The following MEI4 variants were observed in gnomAD, a reference collection of about 807,000 sequenced individuals.
MEI4 encodes the protein meiotic double-stranded break formation protein 4.
Under a neutral mutation model 31.4 loss-of-function variants are expected in MEI4, and 27 were observed. The observed-to-expected ratio is 0.86, with a 90% CI of 0.63 to 1.19. The LOEUF (loss-of-function observed/expected upper bound fraction) is 1.19, where lower values mean the gene tolerates loss of function less well. MEI4 is among the 50% of genes most tolerant of loss of function. The pLI is 0.00. For missense variants in MEI4, 329 were observed against 398.9 expected (o/e 0.82, Z 1.49); for synonymous variants, 122 against 145.4 (o/e 0.84, Z 1.16).
intron 1 of MEI4, among the ~76,000 whole-genome samples, chr6:77,655,212 A>G (rs1368341150): frequency 1.3e-5 from 2 of 152,162 alleles, no homozygotes; most frequent in African/African-American, 4.8e-5. Flanking sequence ...AGCTTCATCC[A>G]TGTCCCTCCA....
chr6:77,778,660 A>G (rs1201816803), intron 3 of MEI4, among the ~76,000 whole-genome samples: 1 of 151,970 alleles, frequency 6.6e-6, no homozygotes, highest in African/African-American at 2.4e-5. Flanking sequence ...TGATTGCAAC[A>G]CTGCACTCCA....
chr6:77,654,214 T>G (rs1768347380), intron 1 of MEI4, among the ~76,000 whole-genome samples: 1 of 151,930 alleles, frequency 6.6e-6, no homozygotes, highest in Non-Finnish European at 1.5e-5. Context: ...GAACAGGGAG[T>G]GTTATAGATA....
At chr6:77,743,265 C>A in intron 2 of MEI4, among the ~76,000 whole-genome samples, 1 of 152,060 alleles carries the variant, frequency 6.6e-6, no homozygotes, top group East Asian at 1.9e-4. Flanking sequence ...ATGGAATGTT[C>A]TTCCATTTGT....
At chr6:77,798,384 TATG>T (rs1769142623) in intron 3 of MEI4, among the ~76,000 whole-genome samples, 1 of 151,564 alleles carries the variant, frequency 6.6e-6, no homozygotes, top group South Asian at 2.1e-4. Context: ...TTAAAATAAA[TATG>T]AAGGAGGAGA....
At chr6:77,873,213 C>A (rs574816686) in intron 4 of MEI4, among the ~76,000 whole-genome samples, 1 of 152,228 alleles carries the variant, frequency 6.6e-6, no homozygotes, top group South Asian at 2.1e-4. Flanking sequence ...GTTTACAGTC[C>A]CACCAACAGT....
rs190395059 is a variant in MEI4, at chr6:77,916,866, C to A, written c.901-6223C>A. Reference sequence around the variant, plus strand: ...CATGTGGCATGCTGGTGCACTGCACCCACTAACTCGTCATCTAGCATTAGG... The same window carrying A: ...CATGTGGCATGCTGGTGCACTGCACACACTAACTCGTCATCTAGCATTAGG... On this transcript the variant is annotated intron_variant, in intron 4 of 4. Transcript: ENST00000684080. 8.0e-3 allele frequency among the ~76,000 whole-genome samples: 1,218 copies of A among 151,560 alleles called. 15 individuals carry two copies. The highest frequency in any genetic ancestry group is 0.027 in the African/African-American group (1,114 of 41,252).
At chr6:77,844,376 G>C (rs924940105) in intron 4 of MEI4, among the ~76,000 whole-genome samples, 1 of 152,114 alleles carries the variant, frequency 6.6e-6, no homozygotes, top group Non-Finnish European at 1.5e-5. Flanking sequence ...ACATTGGAGG[G>C]TCATAGTAAA....
At chr6:77,868,817 T>C (rs1406880813) in intron 4 of MEI4, among the ~76,000 whole-genome samples, 1 of 152,050 alleles carries the variant, frequency 6.6e-6, no homozygotes, top group African/African-American at 2.4e-5. Context: ...AATTCACCTT[T>C]ACTCGTGATC....
intron 1 of MEI4, among the ~76,000 whole-genome samples, chr6:77,672,747 C>T (rs1768770164): frequency 6.6e-6 from 1 of 152,132 alleles, no homozygotes; most frequent in Non-Finnish European, 1.5e-5. Context: ...ACCTTGGTGG[C>T]CAGACTGGTC....
chr6:77,754,245 G>A (rs1027106461), intron 2 of MEI4, among the ~76,000 whole-genome samples: 2 of 152,070 alleles, frequency 1.3e-5, no homozygotes, highest in African/African-American at 2.4e-5. Flanking sequence ...AGAACTTAAA[G>A]TATAATAGAA....
chr6:77,761,435 T>A lies in MEI4; in HGVS notation c.538T>A (p.Ser180Thr), dbSNP rs1768042320. Residue 180 changes from serine to threonine, a missense_variant, in exon 3 of 5, where the codon TCT becomes ACT. By Grantham distance (58) the Ser-to-Thr change is moderately conservative. Transcript: ENST00000684080. Reference sequence around the variant, plus strand: ...AGACTTAACCCACTTTGAAAAAGACTCTTCCACAGTCTCTGATTCTGTTTT... The same window carrying A: ...AGACTTAACCCACTTTGAAAAAGACACTTCCACAGTCTCTGATTCTGTTTT... Reference protein sequence around the residue: ...KRDLTHFEKDSSTVSDSVFQL... With the variant: ...KRDLTHFEKDTSTVSDSVFQL... 2 of 1,232,016 alleles carry A rather than the reference T, an allele frequency of 1.6e-6. No homozygotes were observed. The highest frequency in any genetic ancestry group is 2.0e-6 in the Non-Finnish European group (2 of 987,916). 76.3% of individuals were successfully genotyped at this position (1,232,016 alleles called of 1,614,324 possible).
At chr6:77,740,789 A>G (rs1412787629) in intron 2 of MEI4, among the ~76,000 whole-genome samples, 1 of 151,868 alleles carries the variant, frequency 6.6e-6, no homozygotes, top group African/African-American at 2.4e-5. Flanking sequence ...TATATTTATA[A>G]ATAATGTTGA....
chr6:77,910,305 A>T (rs1346259041), intron 4 of MEI4, among the ~76,000 whole-genome samples: 1 of 152,150 alleles, frequency 6.6e-6, no homozygotes, highest in Non-Finnish European at 1.5e-5. Context: ...ATAACTAGAA[A>T]ACCCCATTGT....
intron 4 of MEI4, among the ~76,000 whole-genome samples, chr6:77,839,443 A>C (rs12211471): frequency 0.45 from 68,249 of 151,786 alleles, 15,917 homozygotes; most frequent in South Asian, 0.52. Flanking sequence ...AGAGTTGGAG[A>C]AGGGCATCCT....
chr6:77,891,341 C>CT (rs1261235592), intron 4 of MEI4, among the ~76,000 whole-genome samples: 2 of 151,982 alleles, frequency 1.3e-5, no homozygotes, highest in East Asian at 1.9e-4. Flanking sequence ...TTTCTTTCTC[C>CT]TTTTTTTGTC....
chr6:77,669,109 A>G (rs1330525788), intron 1 of MEI4, among the ~76,000 whole-genome samples: 1 of 152,214 alleles, frequency 6.6e-6, no homozygotes. Flanking sequence ...ATGGATGCAT[A>G]AAATACTTGC....
chr6:77,923,280 T>C lies in MEI4; in HGVS notation c.1092T>C (p.Phe364=), dbSNP rs201450093. The C allele has an allele frequency of 7.9e-5, 97 of 1,230,190 alleles. No individual in the cohort carries two copies. Among genetic ancestry groups the C allele is most frequent in the Non-Finnish European group, 9.4e-5 (93 of 986,704 alleles). The allele number at this position is 1,230,190 out of a possible 1,614,324, so 76.2% of individuals were successfully genotyped here. The change falls in exon 5 of 5, where the codon TTT becomes TTC. Residue 364 remains phenylalanine (F), a synonymous_variant. Coordinates refer to ENST00000684080, the MANE Select transcript of MEI4 (RefSeq NM_001322247.2). ...AACTTTCTGATGCATTTCCTTTGTT[T>C]ACTTTTTATTTATGGAGAGTGGGCA... is the stretch of plus-strand genomic sequence containing the variant. The part of the protein sequence containing the change: ...IFQLSDAFPL[F]TFYLWRVGIL...
chr6:77,837,141 G>C lies in MEI4; in HGVS notation c.900+8079G>C, dbSNP rs188155702. ...GAAAAAATTTCCATTCCTGAGCTCA[G>C]CTGGCAACGAAGATAAAAGGGCATT... On this transcript the variant is annotated intron_variant, in intron 4 of 4. Transcript: ENST00000684080. Among the ~76,000 whole-genome samples the C allele has an allele frequency of 5.8e-4, 89 of 152,234 alleles. 1 individual carries two copies. Among genetic ancestry groups the C allele is most frequent in the Admixed American group, 5.8e-3 (88 of 15,288 alleles).
In MEI4 at chr6:77,867,708, G is replaced by C. The variant is rs147082403; in HGVS notation, c.900+38646G>C. On this transcript the variant is annotated intron_variant, in intron 4 of 4. Coordinates refer to ENST00000684080, the MANE Select transcript of MEI4 (RefSeq NM_001322247.2). Reference sequence around the variant, plus strand: ...GAAATACCATTTGACCCAGCCATCCGATTACTGGGTATATACCCAAAGGAT... The same window carrying C: ...GAAATACCATTTGACCCAGCCATCCCATTACTGGGTATATACCCAAAGGAT... Among the ~76,000 whole-genome samples, 917 of 151,902 alleles carry C rather than the reference G, an allele frequency of 6.0e-3. 8 individuals are homozygous for C. The highest frequency in any genetic ancestry group is 0.021 in the African/African-American group (872 of 41,494).
Sources: gnomAD v4.1 joint callset for allele counts (sites outside exome capture counted in the v4.1 genomes callset) on GRCh38, gnomAD v4.1.1 for gene constraint, MANE v1.5 for transcripts, NCBI Gene and HGNC (gene_info 2026-07-23, HGNC 2026-07-21) for gene names.